Variants in TANGO6 observed in about 807,000 individuals in gnomAD.
TANGO6 encodes the protein transport and Golgi organization protein 6 homolog.
A neutral mutation model predicts 114.2 loss-of-function variants in TANGO6; 90 were observed. The ratio of observed to expected loss-of-function variants is 0.79; its 90% CI spans 0.66 to 0.94. The LOEUF is 0.94. TANGO6 is among the 40% of genes least tolerant of loss of function. TANGO6 has a pLI of 0.00. For missense variants in TANGO6, 1,274 were observed against 1,315.3 expected, an observed-to-expected ratio of 0.97 and a Z score of 0.49; for synonymous variants, 477 against 509.8, an observed-to-expected ratio of 0.94 and a Z score of 0.87.
At chr16:68,913,279 T>G (rs1388396987) in intron 11 of TANGO6, among the ~76,000 whole-genome samples, 1 of 151,852 alleles carries the variant, frequency 6.6e-6, no homozygotes, top group Non-Finnish European at 1.5e-5. Flanking sequence ...AGATGGGGTC[T>G]CACTGTATTG....
chr16:68,902,110 G>A (rs1378984091), intron 8 of TANGO6, among the ~76,000 whole-genome samples: 2 of 150,932 alleles, frequency 1.3e-5, no homozygotes, highest in Middle Eastern at 3.2e-3. Context: ...TGCTGCCAGA[G>A]CCAAGGATTA....
rs912806844 is a variant in TANGO6 at position 69,045,216 on chromosome 16, A to G, written c.3108+4795A>G. ...ACACCTATAATCCCAGCACTTTGGG[A>G]GGCCGAGGCGGGCGGATCATGAGGT... On this transcript the variant is annotated intron_variant, in intron 17 of 17. Coordinates refer to ENST00000261778, the MANE Select transcript of TANGO6 (RefSeq NM_024562.2). 2.7e-5 allele frequency among the ~76,000 whole-genome samples: 4 copies of G among 149,300 alleles called. No homozygotes were observed. In the South Asian group the frequency reaches 6.4e-4, roughly 24 times the overall value.
At chr16:68,921,039 G>GTT (rs1406479922) in intron 12 of TANGO6, among the ~76,000 whole-genome samples, 1 of 147,512 alleles carries the variant, frequency 6.8e-6, no homozygotes. Context: ...GGAGGCGGAG[G>GTT]TTGCAGTGGG....
chr16:69,031,634 A>G (rs1266364688), intron 16 of TANGO6, among the ~76,000 whole-genome samples: 2 of 151,836 alleles, frequency 1.3e-5, no homozygotes, highest in South Asian at 2.1e-4. Context: ...GTTGTCTCAG[A>G]TGGACGGGAA....
At chr16:69,057,087 A>G (rs1960044665) in intron 17 of TANGO6, among the ~76,000 whole-genome samples, 1 of 139,060 alleles carries the variant, frequency 7.2e-6, no homozygotes, top group African/African-American at 2.8e-5. Flanking sequence ...GGCTCACTGC[A>G]AGCTCATGGG....
At chr16:68,946,344 A>G (rs939665504) in intron 14 of TANGO6, among the ~76,000 whole-genome samples, 2 of 151,816 alleles carry the variant, frequency 1.3e-5, no homozygotes, top group African/African-American at 4.8e-5. Flanking sequence ...GGCTCCCACC[A>G]CAATGCCCGG....
At chr16:69,020,911 T>TGTGTGTGTGTGTGTGTGTG (rs1959392502) in intron 15 of TANGO6, among the ~76,000 whole-genome samples, 1 of 53,516 alleles carries the variant, frequency 1.9e-5, no homozygotes, top group Non-Finnish European at 5.4e-5. Context: ...TGTATGTGTG[T>TGTGTGTGTGTGTGTGTGTG]GTGTGTGTGT....
intron 15 of TANGO6, among the ~76,000 whole-genome samples, chr16:68,979,608 T>C (rs1209748463): frequency 6.6e-6 from 1 of 152,186 alleles, no homozygotes; most frequent in African/African-American, 2.4e-5. Flanking sequence ...AATGTTTGTC[T>C]GTACCCTCAA....
intron 14 of TANGO6, among the ~76,000 whole-genome samples, chr16:68,970,151 A>G (rs921539466): frequency 3.3e-5 from 5 of 152,110 alleles, no homozygotes; most frequent in Non-Finnish European, 7.4e-5. Flanking sequence ...GAAAGTGGGT[A>G]TAGTTAGCCC....
At chr16:68,897,204 G>A (rs1368460869) in intron 7 of TANGO6, among the ~76,000 whole-genome samples, 1 of 152,004 alleles carries the variant, frequency 6.6e-6, no homozygotes, top group Non-Finnish European at 1.5e-5. Context: ...GTGCCCAGCT[G>A]ATAAGTGCTA....
intron 15 of TANGO6, among the ~76,000 whole-genome samples, chr16:69,021,886 CTT>C (rs757995347): frequency 1.3e-4 from 17 of 127,816 alleles, no homozygotes; most frequent in Admixed American, 2.4e-4. Flanking sequence ...ATTTTTTTTT[CTT>C]TTTTTTTTTT....
chr16:68,849,222 C>T (rs1470022728), intron 1 of TANGO6, among the ~76,000 whole-genome samples: 6 of 152,116 alleles, frequency 3.9e-5, no homozygotes, highest in Non-Finnish European at 5.9e-5. Flanking sequence ...GTAATCCTAG[C>T]TACTTGGAGG....
At chr16:68,879,915 C>CTAAAATGAAAATTCTAAGTGAT (rs1962430676) in intron 6 of TANGO6, among the ~76,000 whole-genome samples, 1 of 151,004 alleles carries the variant, frequency 6.6e-6, no homozygotes. Context: ...CACACCTGGC[C>CTAAAATGAAAATTCTAAGTGAT]AACTCTGCCA....
chr16:68,887,204 G>T (rs1962551290), intron 7 of TANGO6, among the ~76,000 whole-genome samples: 1 of 152,282 alleles, frequency 6.6e-6, no homozygotes, highest in South Asian at 2.1e-4. Flanking sequence ...TTTCTTTGGA[G>T]TGTGGGTCTA....
At chr16:68,852,586 T>C (rs1961922410) in intron 1 of TANGO6, among the ~76,000 whole-genome samples, 1 of 150,308 alleles carries the variant, frequency 6.7e-6, no homozygotes, top group East Asian at 2.0e-4. Flanking sequence ...CCCAACACTT[T>C]GGGGAGGCTG....
intron 14 of TANGO6, among the ~76,000 whole-genome samples, chr16:68,945,550 C>A (rs1333214738): frequency 6.6e-6 from 1 of 152,130 alleles, no homozygotes; most frequent in Non-Finnish European, 1.5e-5. Context: ...TTTCACATAG[C>A]CACCCTAATG....
intron 15 of TANGO6, among the ~76,000 whole-genome samples, chr16:68,995,778 G>A (rs1364520398): frequency 1.3e-5 from 2 of 152,150 alleles, no homozygotes; most frequent in East Asian, 3.8e-4. Flanking sequence ...AACAAAGAAA[G>A]ATGAAAATTG....
chr16:68,966,194 C>G (rs997657290), intron 14 of TANGO6, among the ~76,000 whole-genome samples: 1 of 151,868 alleles, frequency 6.6e-6, no homozygotes, highest in African/African-American at 2.4e-5. Context: ...CCAAAGCACT[C>G]CAGCCTGGGC....
intron 7 of TANGO6, among the ~76,000 whole-genome samples, chr16:68,889,688 T>G (rs1962585617): frequency 6.6e-6 from 1 of 152,198 alleles, no homozygotes; most frequent in African/African-American, 2.4e-5. Flanking sequence ...AATGCTTTGG[T>G]TCAGACTCTC....
Sources: gnomAD v4.1 joint callset for allele counts (sites outside exome capture counted in the v4.1 genomes callset) on GRCh38, gnomAD v4.1.1 for gene constraint, MANE v1.5 for transcripts, NCBI Gene and HGNC (gene_info 2026-07-23, HGNC 2026-07-21) for gene names.